Variants in IFT43 observed in about 807,000 individuals in gnomAD.
IFT43 encodes the protein intraflagellar transport protein 43 homolog.
Under a neutral mutation model 32.3 loss-of-function variants are expected in IFT43, and 33 were observed. The observed-to-expected ratio is 1.02, with a 90% CI of 0.77 to 1.37. The LOEUF is 1.37. IFT43 is among the 40% of genes most tolerant of loss of function. The pLI is 0.00. For synonymous variants in IFT43, 93 were observed against 98.2 expected, an observed-to-expected ratio of 0.95 and a Z score of 0.31; for missense variants, 274 against 265.9, an observed-to-expected ratio of 1.03 and a Z score of -0.21.
intron 3 of IFT43, among the ~76,000 whole-genome samples, chr14:76,025,017 A>G (rs1396025772): frequency 6.6e-6 from 1 of 152,256 alleles, no homozygotes; most frequent in African/African-American, 2.4e-5. Context: ...TTCAGAGTCC[A>G]GTTCTAAAGA....
chr14:75,997,885 T>A (rs183762184), intron 2 of IFT43, among the ~76,000 whole-genome samples: 320 of 151,706 alleles, frequency 2.1e-3, no homozygotes, highest in Non-Finnish European at 3.5e-3. Context: ...AGAGTGGTCT[T>A]GTAAAAATGT....
intron 2 of IFT43, among the ~76,000 whole-genome samples, chr14:76,014,879 C>T (rs1390493330): frequency 6.6e-6 from 1 of 152,178 alleles, no homozygotes; most frequent in African/African-American, 2.4e-5. Context: ...CTTCCTGGAA[C>T]AATTCTGTGT....
intron 3 of IFT43, among the ~76,000 whole-genome samples, chr14:76,031,840 C>G (rs1008559394): frequency 6.6e-6 from 1 of 152,170 alleles, no homozygotes; most frequent in Non-Finnish European, 1.5e-5. Flanking sequence ...AGGGCTCTTC[C>G]TCTAACCTTC....
chr14:76,027,333 A>ACCCCCCCCCC (rs56836132), intron 3 of IFT43, among the ~76,000 whole-genome samples: 1 of 124,544 alleles, frequency 8.0e-6, no homozygotes, highest in Admixed American at 7.6e-5. Flanking sequence ...CTTCCCCAAC[A>ACCCCCCCCCC]CCCCCCACAC....
intron 2 of IFT43, among the ~76,000 whole-genome samples, chr14:75,996,416 CA>C (rs1376523720): frequency 6.6e-6 from 1 of 152,192 alleles, no homozygotes; most frequent in Admixed American, 6.5e-5. Context: ...GCTCTTAGAG[CA>C]GTGCCCAACA....
chr14:76,075,419 C>T (rs2037395543), intron 5 of IFT43, among the ~76,000 whole-genome samples: 2 of 152,222 alleles, frequency 1.3e-5, no homozygotes, highest in South Asian at 4.1e-4. Flanking sequence ...GCCTCTTTCC[C>T]TTGTTCCTTT....
chr14:76,032,757 G>GA lies in IFT43; in HGVS notation c.215+10365dup, dbSNP rs142084872. Among the ~76,000 whole-genome samples, 127 of 152,328 alleles carry GA rather than the reference G, an allele frequency of 8.3e-4. No individual in the cohort carries two copies. The East Asian group carries it at 8.7e-3, about 10-fold the overall frequency. ...TGGAAGGTGGAGAGCTGAAAGGCTGGAAGACCTGTTGGGATAAGAGCCTAA... is the reference window on the plus strand; with the variant it reads ...TGGAAGGTGGAGAGCTGAAAGGCTGGAAAGACCTGTTGGGATAAGAGCCTAA... On this transcript the variant is annotated intron_variant, in intron 3 of 8. Coordinates refer to ENST00000314067, the MANE Select transcript of IFT43 (RefSeq NM_001102564.3).
intron 5 of IFT43, among the ~76,000 whole-genome samples, chr14:76,078,198 A>T (rs928849207): frequency 2.0e-5 from 3 of 152,250 alleles, no homozygotes; most frequent in African/African-American, 7.2e-5. Context: ...AAAATCGTTA[A>T]CAGTGATTAC....
rs1193046369 is a variant in IFT43, at chr14:76,083,499, G to A, written c.549G>A (p.Val183=). The change falls in exon 9 of 9, where the codon GTG becomes GTA. Residue 183 remains valine, a synonymous_variant. Transcript: ENST00000314067. ...GWDWDHLFTE[V]SSEVLTEWDP... is the part of the protein sequence containing the mutation. ...ACTGGGACCATCTGTTCACTGAGGTGTCCTCAGAGGTCCTCACTGAGTGGG... is the reference window on the plus strand; with the variant it reads ...ACTGGGACCATCTGTTCACTGAGGTATCCTCAGAGGTCCTCACTGAGTGGG... The A allele has an allele frequency of 3.7e-6, 6 of 1,613,866 alleles. No homozygotes were observed. In the African/African-American group the frequency reaches 8.0e-5, roughly 22 times the overall value.
chr14:76,060,428 A>G (rs59039435), intron 5 of IFT43, among the ~76,000 whole-genome samples: 59,414 of 151,870 alleles, frequency 0.39, 12,327 homozygotes, highest in African/African-American at 0.54. Flanking sequence ...CATGTTGGCC[A>G]GGCTGGTCTC....
At chr14:76,011,360 A>G (rs75026507) in intron 2 of IFT43, among the ~76,000 whole-genome samples, 2,132 of 152,306 alleles carry the variant, frequency 0.014, 57 homozygotes, top group African/African-American at 0.044. Context: ...CTGGAAATCA[A>G]ATTGGAAGGC....
At chr14:76,028,777 A>G (rs971898192) in intron 3 of IFT43, among the ~76,000 whole-genome samples, 4 of 152,176 alleles carry the variant, frequency 2.6e-5, no homozygotes, top group African/African-American at 9.7e-5. Flanking sequence ...TATTGCTGCA[A>G]AGGATTTGAT....
intron 3 of IFT43, among the ~76,000 whole-genome samples, chr14:76,027,994 G>A (rs921503038): frequency 2.7e-4 from 41 of 152,090 alleles, no homozygotes; most frequent in African/African-American, 9.6e-4. Context: ...CAGGCCAGTT[G>A]TGTTGTAGAA....
At chr14:76,014,846 C>T (rs899554584) in intron 2 of IFT43, among the ~76,000 whole-genome samples, 28 of 152,118 alleles carry the variant, frequency 1.8e-4, no homozygotes, top group African/African-American at 5.6e-4. Flanking sequence ...TTCAGCTTCA[C>T]CTTTGGACCC....
At chr14:76,045,960 G>C (rs1198337410) in intron 3 of IFT43, among the ~76,000 whole-genome samples, 2 of 152,170 alleles carry the variant, frequency 1.3e-5, no homozygotes, top group Non-Finnish European at 2.9e-5. Flanking sequence ...ACCCTGTTGA[G>C]CTGAGTTTCA....
At chr14:76,062,371 G>C (rs371704080) in intron 5 of IFT43, among the ~76,000 whole-genome samples, 1 of 151,928 alleles carries the variant, frequency 6.6e-6, no homozygotes, top group African/African-American at 2.4e-5. Context: ...CGCCCGGCCT[G>C]TTTTTCTGCT....
chr14:75,985,817 C>G lies in IFT43; in HGVS notation c.31C>G (p.Leu11Val). 6.2e-7 allele frequency: 1 copy of G among 1,614,140 alleles called. No individual in the cohort carries two copies. The highest frequency in any genetic ancestry group is 8.5e-7 in the Non-Finnish European group (1 of 1,180,010). Residue 11 changes from leucine to valine, a missense_variant, in exon 1 of 9, where the codon CTT becomes GTT. Transcript: ENST00000314067. MEDLLDLDEE[L>V]RYSLATSRAK... ...GGATTTGCTCGACTTGGACGAGGAG[C>G]TTCGCTACAGCTTGGCTACCTCCGT... is the stretch of plus-strand genomic sequence containing the variant.
intron 5 of IFT43, among the ~76,000 whole-genome samples, chr14:76,062,423 G>C (rs1555367515): frequency 6.6e-6 from 1 of 152,082 alleles, no homozygotes; most frequent in Non-Finnish European, 1.5e-5. Flanking sequence ...GCTGGACATT[G>C]TGAATATCAT....
In IFT43 at chr14:76,031,030, A is replaced by G. The variant is rs146368262; in HGVS notation, c.215+8636A>G. 9.6e-3 allele frequency among the ~76,000 whole-genome samples: 1,424 copies of G among 148,072 alleles called. 20 individuals carry two copies. The highest frequency in any genetic ancestry group is 0.033 in the African/African-American group (1,330 of 40,906). ...AAAGTAAACATATGTGTATATATAT[A>G]TAATTATATATACATACATAAAAAT... On this transcript the variant is annotated intron_variant, in intron 3 of 8. Transcript: ENST00000314067.
Sources: allele counts gnomAD v4.1 joint callset (sites outside exome capture counted in the v4.1 genomes callset), GRCh38; gene constraint gnomAD v4.1.1; transcripts MANE v1.5; gene names NCBI Gene and HGNC (gene_info 2026-07-23, HGNC 2026-07-21).